CSRNP2: variants seen among roughly 807,000 people sequenced by gnomAD.
CSRNP2 encodes the protein cysteine/serine-rich nuclear protein 2.
A neutral mutation model predicts 36.6 loss-of-function variants in CSRNP2; 11 were observed. That is an observed-to-expected ratio of 0.30 (90% confidence interval 0.19 to 0.50). The LOEUF is 0.50. Ranked by LOEUF, CSRNP2 falls within the 20% of genes least tolerant of loss-of-function variation. The pLI, the probability that CSRNP2 is intolerant of heterozygous loss-of-function variation, is 0.98. For synonymous variants in CSRNP2, 248 were observed against 275.3 expected, an observed-to-expected ratio of 0.90 and a Z score of 0.98; for missense variants, 483 against 691.4, an observed-to-expected ratio of 0.70 and a Z score of 3.38.
At chr12:51,074,982 T>C (rs912170305) in intron 2 of CSRNP2, among the ~76,000 whole-genome samples, 1 of 151,938 alleles carries the variant, frequency 6.6e-6, no homozygotes, top group Non-Finnish European at 1.5e-5. Context: ...GGAGAATCAC[T>C]TGAACCTGGG....
intron 2 of CSRNP2, among the ~76,000 whole-genome samples, 164 bp from the exon 3 acceptor site, chr12:51,074,246 A>T (rs1428522699): frequency 1.3e-5 from 2 of 151,952 alleles, no homozygotes; most frequent in African/African-American, 4.8e-5. Context: ...GCCTCCTGAG[A>T]AGCTGGGATT....
chr12:51,076,604 C>T lies in CSRNP2; in HGVS notation c.-43G>A, dbSNP rs772998414. ...CCTTGGGGAGCCCACCAAGTTGGCC[C>T]CAAAGCCCCTACTCACCACCAGCTA... On this transcript the variant is annotated 5_prime_UTR_variant, in exon 2 of 5. Coordinates refer to ENST00000228515, the MANE Select transcript of CSRNP2 (RefSeq NM_030809.3). The T allele has an allele frequency of 6.2e-6, 10 of 1,611,898 alleles. No individual in the cohort carries two copies. Among genetic ancestry groups the T allele is most frequent in the Middle Eastern group, 1.7e-4 (1 of 6,022 alleles).
At chr12:51,068,356 T>C (rs1024397999) in intron 3 of CSRNP2, among the ~76,000 whole-genome samples, 1 of 152,160 alleles carries the variant, frequency 6.6e-6, no homozygotes, top group African/African-American at 2.4e-5. Flanking sequence ...TTCACTGTGT[T>C]GGCCAGGCTA....
chr12:51,082,667 C>T (rs772047697), intron 1 of CSRNP2: 2 of 152,100 alleles, frequency 1.3e-5, no homozygotes, highest in Non-Finnish European at 2.9e-5. Context: ...CTAAAAGGGA[C>T]GGGTGGCAGT....
chr12:51,069,507 G>C (rs1429182278), intron 3 of CSRNP2, among the ~76,000 whole-genome samples: 1 of 149,214 alleles, frequency 6.7e-6, no homozygotes, highest in African/African-American at 2.6e-5. Flanking sequence ...GGCTGGTCTC[G>C]AACTCCCGAC....
chr12:51,075,270 C>T (rs1253813984), intron 2 of CSRNP2, among the ~76,000 whole-genome samples: 1 of 151,948 alleles, frequency 6.6e-6, no homozygotes, highest in Non-Finnish European at 1.5e-5. Flanking sequence ...CACCACCACA[C>T]CCAGCTAATT....
chr12:51,065,641 G>A (rs2136843360), intron 4 of CSRNP2, among the ~76,000 whole-genome samples: 1 of 151,942 alleles, frequency 6.6e-6, no homozygotes, highest in African/African-American at 2.4e-5. Context: ...AAAATTTTTT[G>A]TAGAGATGGG....
At chr12:51,068,738 A>G (rs957670055) in intron 3 of CSRNP2, among the ~76,000 whole-genome samples, 10 of 152,214 alleles carry the variant, frequency 6.6e-5, no homozygotes, top group African/African-American at 2.2e-4. Context: ...GAAAAATGTG[A>G]AACACCCTTC....
At chr12:51,077,044 C>CAA (rs34490094) in intron 1 of CSRNP2, among the ~76,000 whole-genome samples, 103,964 of 126,344 alleles carry the variant, frequency 0.82, 42,694 homozygotes, top group Non-Finnish European at 0.89. Context: ...GTTTGGTTGG[C>CAA]AAAAAAAAAA....
At chr12:51,079,847 G>GGT (rs1440511103) in intron 1 of CSRNP2, among the ~76,000 whole-genome samples, 1 of 150,506 alleles carries the variant, frequency 6.6e-6, no homozygotes, top group South Asian at 2.1e-4. Context: ...GGCCAAGGCG[G>GGT]GTGGATCACA....
intron 4 of CSRNP2, among the ~76,000 whole-genome samples, chr12:51,065,289 G>GCAGTTAC (rs1395467594): frequency 2.6e-5 from 4 of 152,282 alleles, no homozygotes; most frequent in Middle Eastern, 3.4e-3. Flanking sequence ...TAGTTCTGAA[G>GCAGTTAC]CAGTTACCAA....
Position 51,074,079 on chromosome 12 carries a change from G to A in CSRNP2, c.155C>T (p.Thr52Ile), listed in dbSNP as rs766619608. 2 of 1,613,766 alleles carry A rather than the reference G, an allele frequency of 1.2e-6. No individual in the cohort carries two copies. Among genetic ancestry groups the A allele is most frequent in the Non-Finnish European group, 1.7e-6 (2 of 1,179,918 alleles). The change falls in exon 3 of 5, where the codon ACA becomes ATA. Residue 52 changes from threonine to isoleucine, a missense_variant. This residue lies in a region of CSRNP2 where 206 missense variants were observed against 367.8 expected (regional missense o/e 0.56). Coordinates refer to ENST00000228515, the MANE Select transcript of CSRNP2 (RefSeq NM_030809.3). ...CTGCTTCTGCCGCTTCAGGATGGATGTGGCTGAGAAGGGAGCACAGAGAGA... is the reference window on the plus strand; with the variant it reads ...CTGCTTCTGCCGCTTCAGGATGGATATGGCTGAGAAGGGAGCACAGAGAGA... Reference protein sequence around the residue: ...NPPTTASFTPTSILKRQKQLR... With the variant: ...NPPTTASFTPISILKRQKQLR...
At chr12:51,076,990 G>C (rs965227011) in intron 1 of CSRNP2, among the ~76,000 whole-genome samples, 1 of 148,444 alleles carries the variant, frequency 6.7e-6, no homozygotes, top group Non-Finnish European at 1.5e-5. Flanking sequence ...CAAGGCACCA[G>C]TGAGAAGAAC....
chr12:51,073,088 T>C (rs557280464), intron 3 of CSRNP2, among the ~76,000 whole-genome samples: 4 of 152,032 alleles, frequency 2.6e-5, no homozygotes, highest in East Asian at 1.9e-4. Flanking sequence ...CATGGTGGCA[T>C]GAGCCTGTGG....
intron 3 of CSRNP2, among the ~76,000 whole-genome samples, chr12:51,071,154 G>T (rs908489413): frequency 6.6e-6 from 1 of 151,774 alleles, no homozygotes; most frequent in Non-Finnish European, 1.5e-5. Context: ...CTCAGTTGAG[G>T]GAGGCTGAGG....
rs1198797455 is a variant in CSRNP2, at chr12:51,073,901, G to A, written c.333C>T (p.Ala111=). 30 of 1,613,922 alleles carry A rather than the reference G, an allele frequency of 1.9e-5. No individual in the cohort carries two copies. Among genetic ancestry groups the A allele is most frequent in the Non-Finnish European group, 2.5e-5 (30 of 1,179,964 alleles). The change falls in exon 3 of 5, where the codon GCC becomes GCT. Residue 111 remains alanine (A), a synonymous_variant. Coordinates refer to ENST00000228515, the MANE Select transcript of CSRNP2 (RefSeq NM_030809.3). ...SVRSYTLCEF[A]QEQEVNHREI... ...CTCGATGGTTCACCTCCTGTTCCTG[G>A]GCAAACTCACAGAGTGTATAGCTCC...
Position 51,074,025 on chromosome 12 carries a change from T to C in CSRNP2, c.209A>G (p.Gln70Arg), listed in dbSNP as rs1488619083. The change falls in exon 3 of 5, where the codon CAG becomes CGG. Residue 70 changes from glutamine to arginine, a missense_variant. Physicochemically the swap from Gln to Arg is conservative, Grantham distance 43. Coordinates refer to ENST00000228515, the MANE Select transcript of CSRNP2 (RefSeq NM_030809.3). ...CCGGGCAAAGTAGTATACAGTCACC[T>C]GGTCAAAGCGTACATTCTTCCTCCG... ...QLRRKNVRFD[Q>R]VTVYYFARRQ... The C allele has an allele frequency of 9.9e-6, 16 of 1,614,118 alleles. No individual in the cohort carries two copies. Among genetic ancestry groups the C allele is most frequent in the Non-Finnish European group, 1.3e-5 (15 of 1,180,044 alleles).
rs191849311 is a variant in CSRNP2, at chr12:51,078,690, T to C, written c.-86-2043A>G. On this transcript the variant is annotated intron_variant, in intron 1 of 4. Transcript: ENST00000228515. ...CAATGAGATACCATCTCACACCAGT[T>C]AGAATGGCGATCATTAAGAAGTCAG... Among the ~76,000 whole-genome samples the C allele has an allele frequency of 2.0e-5, 3 of 152,316 alleles. No homozygotes were observed. In the East Asian group the frequency reaches 5.8e-4, roughly 29 times the overall value.
intron 2 of CSRNP2, among the ~76,000 whole-genome samples, chr12:51,074,328 G>A (rs948356479): frequency 1.3e-5 from 2 of 152,084 alleles, no homozygotes; most frequent in South Asian, 4.1e-4. Flanking sequence ...TGTTGACTAG[G>A]CTGGTCTTGA....
Sources: gnomAD v4.1 joint callset for allele counts (sites outside exome capture counted in the v4.1 genomes callset) on GRCh38, gnomAD v4.1.1 for gene constraint, gnomAD v4.1.1 regional missense constraint, MANE v1.5 for transcripts, NCBI Gene and HGNC (gene_info 2026-07-23, HGNC 2026-07-21) for gene names.